Variants in FCRLA observed in about 807,000 individuals in gnomAD.
The protein encoded by FCRLA is Fc receptor like A, also known as Fc receptor-like A.
In FCRLA, 26 loss-of-function variants were observed where a neutral mutation model predicts 28.4. That is an observed-to-expected ratio of 0.91 (90% confidence interval 0.67 to 1.27). The LOEUF is 1.27. Ranked by LOEUF, FCRLA falls within the 50% of genes most tolerant of loss-of-function variation. The probability of loss-of-function intolerance (pLI) is 0.00; values close to 1 mark genes in which losing one functional copy is unlikely to be tolerated. For missense variants in FCRLA, 422 were observed against 433.1 expected, an observed-to-expected ratio of 0.97 and a Z score of 0.23; for synonymous variants, 174 against 168.5, an observed-to-expected ratio of 1.03 and a Z score of -0.25.
intron 3 of FCRLA, 51 bp downstream of exon 3, chr1:161,711,525 G>A (rs147056887): frequency 6.4e-7 from 1 of 1,561,688 alleles, no homozygotes; most frequent in South Asian, 1.2e-5. Context: ...AGGAGAGACA[G>A]GGAGCCCAAA....
intron 2 of FCRLA, 129 bp from the exon 3 acceptor site, chr1:161,711,079 G>A (rs1272494536): frequency 2.3e-5 from 33 of 1,445,120 alleles, no homozygotes; most frequent in South Asian, 2.7e-5. Context: ...TAGGGAAGTT[G>A]TCCCATACTC....
At chr1:161,711,898 G>A in intron 3 of FCRLA, 36 bp from the exon 4 acceptor site, 1 of 1,574,602 alleles carries the variant, frequency 6.4e-7, no homozygotes, top group Non-Finnish European at 8.6e-7. Context: ...TATATAAGAT[G>A]GCTGAGCTCT....
Position 161,712,065 on chromosome 1 carries a change from A to C in FCRLA, c.631A>C (p.Lys211Gln). The change falls in exon 4 of 5, where the codon AAG becomes CAG. Residue 211 changes from lysine to glutamine, a missense_variant. Coordinates refer to ENST00000236938, the MANE Select transcript of FCRLA (RefSeq NM_032738.4). ...SAARLLFSFYKDGRIVQSRGL... is the reference protein window; with the variant it reads ...SAARLLFSFYQDGRIVQSRGL... ...TGCCCGCCTCCTCTTCTCCTTCTAC[A>C]AGGATGGAAGGATAGTGCAAAGCAG... The C allele has an allele frequency of 6.2e-7, 1 of 1,614,098 alleles. No individual in the cohort carries two copies. Among genetic ancestry groups the C allele is most frequent in the Non-Finnish European group, 8.5e-7 (1 of 1,180,026 alleles).
Position 161,713,136 on chromosome 1 carries a change from C to T in FCRLA, c.836C>T (p.Ser279Leu), listed in dbSNP as rs1683190733. The T allele has an allele frequency of 6.2e-7, 1 of 1,614,138 alleles. No homozygotes were observed. Among genetic ancestry groups the T allele is most frequent in the Non-Finnish European group, 8.5e-7 (1 of 1,180,026 alleles). The change falls in exon 5 of 5, where the codon TCA (serine) becomes TTA (leucine). Residue 279 changes from serine (S) to leucine (L), a missense_variant. Around this residue, in one of 3 missense-constraint regions of FCRLA, gnomAD observed 185 missense variants for 198.1 expected, o/e 0.93. Coordinates refer to ENST00000236938, the MANE Select transcript of FCRLA (RefSeq NM_032738.4). Reference protein sequence around the residue: ...PPTLNPAPQKSAAPGTAPEEA... With the variant: ...PPTLNPAPQKLAAPGTAPEEA... ...ACATTGAATCCAGCTCCTCAGAAAT[C>T]AGCTGCTCCAGGAACTGCTCCTGAG...
chr1:161,712,796 C>T (rs1324898181), intron 4 of FCRLA, among the ~76,000 whole-genome samples: 2 of 152,206 alleles, frequency 1.3e-5, no homozygotes, highest in African/African-American at 4.8e-5. Flanking sequence ...GACCTAGAAC[C>T]AGTTACCACA....
rs1682867527 is a variant in FCRLA, at chr1:161,707,331, C to T, written c.67C>T (p.Gln23Ter). 1 of 1,600,330 alleles carries T rather than the reference C, an allele frequency of 6.2e-7. No individual in the cohort carries two copies. The highest frequency in any genetic ancestry group is 8.5e-7 in the Non-Finnish European group (1 of 1,175,422). Residue 23 changes from glutamine to a stop codon, truncating the protein, a stop_gained, in exon 1 of 5, where the codon CAG (glutamine) becomes TAG (stop). Coordinates refer to ENST00000236938, the MANE Select transcript of FCRLA (RefSeq NM_032738.4). LOFTEE classifies it high-confidence loss of function. ...TTCCCTTGGTGTGCTCTGGGTGGCCCAGATGCTACTGGGTAAGTAAAATAT... is the reference window on the plus strand; with the variant it reads ...TTCCCTTGGTGTGCTCTGGGTGGCCTAGATGCTACTGGGTAAGTAAAATAT... ...YLSLGVLWVAQMLLAASFETL... is the reference protein window; with the variant it reads ...YLSLGVLWVA
At position 161,710,098 on chromosome 1, in the gene FCRLA, G is replaced by C. The variant is rs144897017; in HGVS notation, c.80-662G>C. Among the ~76,000 whole-genome samples, 210 of 152,318 alleles carry C rather than the reference G, an allele frequency of 1.4e-3. 1 individual carries two copies. Among genetic ancestry groups the C allele is most frequent in the Non-Finnish European group, 2.7e-3 (185 of 68,024 alleles). ...ATTCAAGGCTGAGGAGCCAAGTGAAGTTTGGGAAAATCAGAATATGAAAGA... is the reference window on the plus strand; with the variant it reads ...ATTCAAGGCTGAGGAGCCAAGTGAACTTTGGGAAAATCAGAATATGAAAGA... On this transcript the variant is annotated intron_variant, in intron 1 of 4. Transcript: ENST00000236938.
rs371904686 is a variant in FCRLA at position 161,712,208 on chromosome 1, C to G, written c.774C>G (p.Ile258Met). 301 of 1,612,958 alleles carry G rather than the reference C, an allele frequency of 1.9e-4. No homozygotes were observed. The highest frequency in any genetic ancestry group is 2.4e-4 in the Non-Finnish European group (285 of 1,179,432). ...QVWKQSPQLE[I>M]RVQGASSSAA... is the part of the protein sequence containing the mutation. ...GGAAACAGAGCCCCCAGCTAGAGATCAGAGTGCAGGGTGAGTTCGCATCAG... is the reference window on the plus strand; with the variant it reads ...GGAAACAGAGCCCCCAGCTAGAGATGAGAGTGCAGGGTGAGTTCGCATCAG... The change falls in exon 4 of 5, where the codon ATC (isoleucine) becomes ATG (methionine). Residue 258 changes from isoleucine (I) to methionine (M), a missense_variant. Transcript: ENST00000236938.
intron 3 of FCRLA, 151 bp downstream of exon 3, chr1:161,711,625 C>T (rs760073189): frequency 2.2e-5 from 22 of 1,003,004 alleles, no homozygotes; most frequent in African/African-American, 3.3e-5. Flanking sequence ...TCGAAAGGGA[C>T]GAGACCTCAG....
rs140120225 is a variant in FCRLA, at chr1:161,712,140, G to A, written c.706G>A (p.Gly236Arg). Residue 236 changes from glycine (G) to arginine (R), a missense_variant, in exon 4 of 5, where the codon GGG becomes AGG. Around this residue, in one of 3 missense-constraint regions of FCRLA, gnomAD observed 185 missense variants for 198.1 expected, o/e 0.93. Coordinates refer to ENST00000236938, the MANE Select transcript of FCRLA (RefSeq NM_032738.4). ...CCCCACAGCTTCAGAAGATCACTCC[G>A]GGTCATACTGGTGTGAGGCAGCCAC... ...QIPTASEDHSGSYWCEAATED... is the reference protein window; with the variant it reads ...QIPTASEDHSRSYWCEAATED... 2.1e-5 allele frequency: 34 copies of A among 1,614,048 alleles called. No individual in the cohort carries two copies. The highest frequency in any genetic ancestry group is 2.2e-5 in the Non-Finnish European group (26 of 1,180,044).
In FCRLA at chr1:161,711,433, G is replaced by A. The variant is rs1354945739; in HGVS notation, c.458G>A (p.Gly153Glu). The change falls in exon 3 of 5, where the codon GGG (glycine) becomes GAG (glutamate). Residue 153 changes from glycine to glutamate, a missense_variant. By Grantham distance (98) the Gly-to-Glu change is moderately conservative. This residue lies in a region of FCRLA where 231 missense variants were observed against 214.6 expected (regional missense o/e 1.08). Coordinates refer to ENST00000236938, the MANE Select transcript of FCRLA (RefSeq NM_032738.4). ...GGCATCTTCCAGAGCCCTGGTCCTG[G>A]GATCCCAGAAACAGCATCTGTTGTG... ...CSGIFQSPGP[G>E]IPETASVVAI... 6.2e-7 allele frequency: 1 copy of A among 1,614,200 alleles called. No individual in the cohort carries two copies. The highest frequency in any genetic ancestry group is 8.5e-7 in the Non-Finnish European group (1 of 1,180,028).
intron 1 of FCRLA, chr1:161,710,196 GGACTCA>G (rs1437867832): frequency 2.0e-6 from 1 of 495,664 alleles, no homozygotes; most frequent in East Asian, 3.6e-5. Flanking sequence ...CATTGATTTT[GGACTCA>G]GACACACCTG....
At position 161,711,316 on chromosome 1, in the gene FCRLA, G is replaced by A. The variant is rs145034072; in HGVS notation, c.341G>A (p.Arg114Gln). Residue 114 changes from arginine to glutamine, a missense_variant, in exon 3 of 5, where the codon CGA becomes CAA. Arg to Gln is a conservative substitution (Grantham distance 43). Transcript: ENST00000236938. The part of the protein sequence containing the change: ...DWPLTQVTFY[R>Q]DGSALGPPGP... The stretch of plus-strand genomic sequence containing the variant: ...CCACTGACTCAGGTGACCTTCTACC[G>A]AGATGGCTCAGCTCTGGGTCCCCCC... 59 of 1,614,102 alleles carry A rather than the reference G, an allele frequency of 3.7e-5. No homozygotes were observed. The highest frequency in any genetic ancestry group is 2.9e-4 in the African/African-American group (22 of 74,942).
At chr1:161,707,940 T>C (rs1682902422) in intron 1 of FCRLA, among the ~76,000 whole-genome samples, 1 of 152,214 alleles carries the variant, frequency 6.6e-6, no homozygotes, top group Admixed American at 6.5e-5. Flanking sequence ...AGTTATAGCC[T>C]TGCCTCTGTA....
intron 1 of FCRLA, chr1:161,710,449 T>G: frequency 6.5e-7 from 1 of 1,549,842 alleles, no homozygotes; most frequent in Non-Finnish European, 8.7e-7. Flanking sequence ...GTTACCATTG[T>G]CTTTGCTCCT....
rs1440903916 is a variant in FCRLA, at chr1:161,713,334, T to C, written c.1034T>C (p.Leu345Ser). The C allele has an allele frequency of 6.2e-7, 1 of 1,614,094 alleles. No homozygotes were observed. Among genetic ancestry groups the C allele is most frequent in the Non-Finnish European group, 8.5e-7 (1 of 1,180,046 alleles). Residue 345 changes from leucine (L) to serine (S), a missense_variant, in exon 5 of 5, where the codon TTA becomes TCA. By Grantham distance (145) the Leu-to-Ser change is moderately radical (BLOSUM62 -2). Coordinates refer to ENST00000236938, the MANE Select transcript of FCRLA (RefSeq NM_032738.4). ...LGHLLMELRELSGHRKPGTTK... is the reference protein window; with the variant it reads ...LGHLLMELRESSGHRKPGTTK... Reference sequence around the variant, plus strand: ...CACCTGCTCATGGAGTTGAGGGAATTATCTGGCCACCGGAAGCCTGGGACC... The same window carrying C: ...CACCTGCTCATGGAGTTGAGGGAATCATCTGGCCACCGGAAGCCTGGGACC...
chr1:161,710,404 C>T (rs1306950958), intron 1 of FCRLA: 14 of 1,394,400 alleles, frequency 1.0e-5, no homozygotes, highest in African/African-American at 2.8e-5. Flanking sequence ...TCTGATGTCT[C>T]CCTTTCATTC....
Position 161,713,892 on chromosome 1 carries a change from C to T in FCRLA, c.*512C>T, listed in dbSNP as rs1683230779. The T allele has an allele frequency of 6.5e-6, 1 of 152,748 alleles. No individual in the cohort carries two copies. The highest frequency in any genetic ancestry group is 2.4e-5 in the African/African-American group (1 of 41,436). The allele number at this position is 152,748 out of a possible 1,614,324, so 9.5% of individuals were successfully genotyped here. ...AATCTGGCCCAAAATGTCAGTTGTA[C>T]TGAGTTTGAGAAACCCCAGCCTAAT... On this transcript the variant is annotated 3_prime_UTR_variant, in exon 5 of 5. Transcript: ENST00000236938.
intron 1 of FCRLA, among the ~76,000 whole-genome samples, chr1:161,709,581 A>G (rs1682996894): frequency 6.6e-6 from 1 of 152,198 alleles, no homozygotes; most frequent in Admixed American, 6.5e-5. Flanking sequence ...AGAATTAGGA[A>G]GTAGGGAGGG....
Sources: gnomAD v4.1 joint callset for allele counts (sites outside exome capture counted in the v4.1 genomes callset) on GRCh38, gnomAD v4.1.1 for gene constraint, gnomAD v4.1.1 regional missense constraint, MANE v1.5 for transcripts, NCBI Gene and HGNC (gene_info 2026-07-23, HGNC 2026-07-21) for gene names.